GPR39: variants seen among roughly 807,000 people sequenced by gnomAD.
GPR39 encodes the protein zinc sensing receptor.
Under a neutral mutation model 18.4 loss-of-function variants are expected in GPR39, and 23 were observed. The ratio of observed to expected loss-of-function variants is 1.25; its 90% CI spans 0.90 to 1.77. GPR39 has a LOEUF of 1.77. Ranked by LOEUF, GPR39 falls within the 40% of genes most tolerant of loss-of-function variation. GPR39 has a pLI of 0.00. For missense variants in GPR39, 647 were observed against 602.4 expected (o/e 1.07, Z -0.78); for synonymous variants, 280 against 257.9 (o/e 1.09, Z -0.82).
At chr2:132,575,777 G>A (rs1407992844) in intron 1 of GPR39, among the ~76,000 whole-genome samples, 2 of 152,172 alleles carry the variant, frequency 1.3e-5, no homozygotes, top group African/African-American at 4.8e-5. Context: ...CACATCTGCT[G>A]TTGTCTAAAT....
chr2:132,592,572 A>AGG (rs1041538472), intron 1 of GPR39, among the ~76,000 whole-genome samples: 1 of 152,178 alleles, frequency 6.6e-6, no homozygotes, highest in Non-Finnish European at 1.5e-5. Flanking sequence ...GCTTGAGCTG[A>AGG]GGAGTGACAT....
intron 1 of GPR39, chr2:132,606,305 G>C (rs1334196992): frequency 6.6e-6 from 1 of 152,238 alleles, no homozygotes; most frequent in Non-Finnish European, 1.5e-5. Flanking sequence ...AATCTTTTTA[G>C]ACTTATGGAG....
At chr2:132,437,385 T>A (rs1467612179) in intron 1 of GPR39, among the ~76,000 whole-genome samples, 1 of 152,206 alleles carries the variant, frequency 6.6e-6, no homozygotes, top group South Asian at 2.1e-4. Flanking sequence ...TACTCCTTCA[T>A]AGATGCTCCT....
chr2:132,518,928 A>G (rs1284557992), intron 1 of GPR39, among the ~76,000 whole-genome samples: 2 of 152,182 alleles, frequency 1.3e-5, no homozygotes, highest in African/African-American at 4.8e-5. Flanking sequence ...AATAGCCACA[A>G]GGGGCTGGTG....
At chr2:132,484,607 C>T (rs1681297034) in intron 1 of GPR39, among the ~76,000 whole-genome samples, 1 of 152,152 alleles carries the variant, frequency 6.6e-6, no homozygotes, top group Non-Finnish European at 1.5e-5. Flanking sequence ...TAAGTTAAAA[C>T]CCCAAATAAT....
At chr2:132,578,162 G>A (rs999495947) in intron 1 of GPR39, among the ~76,000 whole-genome samples, 5 of 150,264 alleles carry the variant, frequency 3.3e-5, no homozygotes, top group African/African-American at 4.9e-5. Flanking sequence ...TGAGCTTGTC[G>A]ATGTGGTAGA....
rs1573700197 is a variant in GPR39 at position 132,616,466 on chromosome 2, T to C, written c.857-28635T>C. Among the ~76,000 whole-genome samples the C allele has an allele frequency of 2.0e-5, 3 of 152,288 alleles. No individual in the cohort carries two copies. In the South Asian group the frequency reaches 6.2e-4, roughly 32 times the overall value. On this transcript the variant is annotated intron_variant, in intron 1 of 1. Coordinates refer to ENST00000329321, the MANE Select transcript of GPR39 (RefSeq NM_001508.3). ...GCAAGGAGCCAGAAGCCTGAGCCTGTAGGGGCCCAGGAAAAGAATGCAGAG... is the reference window on the plus strand; with the variant it reads ...GCAAGGAGCCAGAAGCCTGAGCCTGCAGGGGCCCAGGAAAAGAATGCAGAG...
At chr2:132,512,333 A>C (rs554721572) in intron 1 of GPR39, among the ~76,000 whole-genome samples, 13 of 152,302 alleles carry the variant, frequency 8.5e-5, no homozygotes, top group Admixed American at 3.3e-4. Flanking sequence ...GGAAAGTTTA[A>C]GGGATTCTGA....
intron 1 of GPR39, among the ~76,000 whole-genome samples, chr2:132,617,509 CTTTA>C (rs1009988589): frequency 2.0e-5 from 3 of 152,050 alleles, no homozygotes; most frequent in African/African-American, 7.2e-5. Flanking sequence ...ATATTAATAA[CTTTA>C]TTTTTTATGT....
intron 1 of GPR39, among the ~76,000 whole-genome samples, chr2:132,453,115 T>A (rs894236736): frequency 1.3e-5 from 2 of 152,230 alleles, no homozygotes; most frequent in Non-Finnish European, 2.9e-5. Context: ...AAAGTGTTCC[T>A]ATTTCTCTAC....
At chr2:132,570,993 C>T (rs1052596687) in intron 1 of GPR39, among the ~76,000 whole-genome samples, 2 of 152,174 alleles carry the variant, frequency 1.3e-5, no homozygotes, top group African/African-American at 4.8e-5. Context: ...AGGGCTTCTG[C>T]TCAGTGCGCT....
chr2:132,620,381 C>T (rs1681419812), intron 1 of GPR39, among the ~76,000 whole-genome samples: 1 of 152,098 alleles, frequency 6.6e-6, no homozygotes, highest in Non-Finnish European at 1.5e-5. Context: ...GTGACTCAGT[C>T]ATGAAAGGGA....
At chr2:132,641,395 A>G (rs573305547) in intron 1 of GPR39, among the ~76,000 whole-genome samples, 2 of 152,206 alleles carry the variant, frequency 1.3e-5, no homozygotes, top group Admixed American at 1.3e-4. Flanking sequence ...GGTTTGATAT[A>G]ACTCTCTGGA....
In GPR39 at chr2:132,553,110, G is replaced by A. The variant is rs186399473; in HGVS notation, c.857-91991G>A. Reference sequence around the variant, plus strand: ...CTGGCTAATTTTTGTATTTTTAGTAGAGATGGGGTTTTGCCATGTTGGCTA... The same window carrying A: ...CTGGCTAATTTTTGTATTTTTAGTAAAGATGGGGTTTTGCCATGTTGGCTA... On this transcript the variant is annotated intron_variant, in intron 1 of 1. Coordinates refer to ENST00000329321, the MANE Select transcript of GPR39 (RefSeq NM_001508.3). Among the ~76,000 whole-genome samples, 461 of 151,256 alleles carry A rather than the reference G, an allele frequency of 3.0e-3. 2 individuals are homozygous for A. Among genetic ancestry groups the A allele is most frequent in the Non-Finnish European group, 5.0e-3 (342 of 67,866 alleles).
At chr2:132,446,933 A>C (rs1000353831) in intron 1 of GPR39, among the ~76,000 whole-genome samples, 2 of 152,280 alleles carry the variant, frequency 1.3e-5, no homozygotes, top group Non-Finnish European at 2.9e-5. Flanking sequence ...GCCTGAATAT[A>C]TGCCCCATAT....
At chr2:132,632,754 G>A (rs1230833552) in intron 1 of GPR39, among the ~76,000 whole-genome samples, 1 of 152,208 alleles carries the variant, frequency 6.6e-6, no homozygotes, top group Non-Finnish European at 1.5e-5. Context: ...TAAGTACTCA[G>A]AAGAGTGTCT....
At chr2:132,644,513 G>A (rs1187754890) in intron 1 of GPR39, among the ~76,000 whole-genome samples, 1 of 152,248 alleles carries the variant, frequency 6.6e-6, no homozygotes, top group East Asian at 1.9e-4. Context: ...TACCTAGTAT[G>A]TATATGTCCA....
intron 1 of GPR39, among the ~76,000 whole-genome samples, chr2:132,442,037 G>A (rs1680449636): frequency 1.3e-5 from 2 of 151,932 alleles, no homozygotes; most frequent in South Asian, 4.1e-4. Context: ...CAGTGTCAAG[G>A]CAAAAAAGCC....
Position 132,498,847 on chromosome 2 carries a change from G to A in GPR39, c.856+80949G>A, listed in dbSNP as rs549498272. On this transcript the variant is annotated intron_variant, in intron 1 of 1. Coordinates refer to ENST00000329321, the MANE Select transcript of GPR39 (RefSeq NM_001508.3). ...TGAGCATTTTTCCACATACTTAATG[G>A]CCATTTGTGTATCTTCTTTTGAGAA... is the stretch of plus-strand genomic sequence containing the variant. Among the ~76,000 whole-genome samples the A allele has an allele frequency of 2.6e-5, 4 of 152,210 alleles. No homozygotes were observed. The South Asian group carries it at 6.2e-4, about 24-fold the overall frequency.
Sources: allele counts gnomAD v4.1 joint callset (sites outside exome capture counted in the v4.1 genomes callset), GRCh38; gene constraint gnomAD v4.1.1; transcripts MANE v1.5; gene names NCBI Gene and HGNC (gene_info 2026-07-23, HGNC 2026-07-21).